The following MMP17 variants were observed in gnomAD, a reference collection of about 807,000 sequenced individuals.
MMP17 encodes the protein matrix metalloproteinase-17.
MMP17 carries 54 observed loss-of-function variants against 49.1 expected under a neutral mutation model. That is an observed-to-expected ratio of 1.10 (90% CI 0.88 to 1.38). MMP17 has a LOEUF of 1.38. MMP17 is among the 40% of genes most tolerant of loss of function. The pLI, the probability that MMP17 is intolerant of heterozygous loss-of-function variation, is 0.00. For missense variants in MMP17, 837 were observed against 853.7 expected (o/e 0.98, Z 0.24); for synonymous variants, 397 against 383.1 (o/e 1.04, Z -0.42).
At position 131,846,499 on chromosome 12, in the gene MMP17, T is replaced by A. The variant is rs1442164018; in HGVS notation, c.1204+1050T>A. ...TGCAATTCTCCTGCCTCAGCCTCCCTAGTAGCTGGGATTACAAGGTGCCCG... is the reference window on the plus strand; with the variant it reads ...TGCAATTCTCCTGCCTCAGCCTCCCAAGTAGCTGGGATTACAAGGTGCCCG... On this transcript the variant is annotated intron_variant, in intron 8 of 9. Coordinates refer to ENST00000360564, the MANE Select transcript of MMP17 (RefSeq NM_016155.7). This position sits in a 1 kb window ranked among gnomAD's most constrained non-coding sequence, Gnocchi z 4.6. 1.3e-5 allele frequency among the ~76,000 whole-genome samples: 2 copies of A among 152,040 alleles called. No homozygotes were observed. Among genetic ancestry groups the A allele is most frequent in the Non-Finnish European group, 2.9e-5 (2 of 67,986 alleles).
chr12:131,841,512 G>T (rs1887405925), intron 4 of MMP17, 112 bp from the exon 5 acceptor site: 4 of 1,107,150 alleles, frequency 3.6e-6, no homozygotes, highest in Non-Finnish European at 4.0e-6. Context: ...GGCGCAGCCG[G>T]CATCGAGGCA....
chr12:131,843,062 C>T (rs558668275), intron 5 of MMP17, among the ~76,000 whole-genome samples: 2 of 151,994 alleles, frequency 1.3e-5, no homozygotes, highest in Non-Finnish European at 2.9e-5. Flanking sequence ...GTGGCGCGAT[C>T]TCGGCTCGCT....
chr12:131,847,208 C>G (rs528120678), intron 8 of MMP17, among the ~76,000 whole-genome samples: 1 of 151,728 alleles, frequency 6.6e-6, no homozygotes, highest in Non-Finnish European at 1.5e-5. Flanking sequence ...GTCAGGAAAT[C>G]GAGACCATCC....
intron 5 of MMP17, among the ~76,000 whole-genome samples, chr12:131,842,502 A>T (rs1169668547): frequency 6.6e-6 from 1 of 152,212 alleles, no homozygotes; most frequent in Non-Finnish European, 1.5e-5. Context: ...GGCCGGATGC[A>T]GTGGCTCATA....
chr12:131,850,888 G>A, intron 9 of MMP17, 37 bp from the exon 10 acceptor site: 1 of 1,415,174 alleles, frequency 7.1e-7, no homozygotes, highest in African/African-American at 1.5e-5. Context: ...TCCTGCTGCA[G>A]CCCTCCCCTG....
intron 5 of MMP17, 150 bp from the exon 6 acceptor site, chr12:131,843,847 G>A (rs964632656): frequency 5.0e-6 from 3 of 601,874 alleles, no homozygotes; most frequent in Non-Finnish European, 8.6e-6. Flanking sequence ...AGCTCTGGGG[G>A]CAGCAGTCTC....
chr12:131,838,891 A>T, intron 3 of MMP17, 150 bp downstream of exon 3: 164 of 611,734 alleles, frequency 2.7e-4, no homozygotes, highest in Middle Eastern at 1.3e-3. Context: ...GGTGAGGAAC[A>T]GGGTCTCCGT....
Position 131,828,395 on chromosome 12 carries a change from T to G in MMP17, c.-100T>G. The stretch of plus-strand genomic sequence containing the variant: ...CTTGAGGCTGCCGCGCGGGGCTCAG[T>G]CCGGCGGGGGCGCCGCGGAGAGCGG... On this transcript the variant is annotated 5_prime_UTR_variant, in exon 1 of 10. Coordinates refer to ENST00000360564, the MANE Select transcript of MMP17 (RefSeq NM_016155.7). 4.3e-6 allele frequency: 3 copies of G among 699,360 alleles called. No homozygotes were observed. The highest frequency in any genetic ancestry group is 5.3e-6 in the Non-Finnish European group (3 of 568,500). The allele number at this position is 699,360 out of a possible 1,614,324, so 43.3% of individuals were successfully genotyped here.
Position 131,850,032 on chromosome 12 carries a change from C to A in MMP17, c.1435C>A (p.Leu479Met). Reference sequence around the variant, plus strand: ...CCTGTGGAGGGGTGTCCCCAGCACGCTGGACGACGCCATGCGCTGGTCCGA... The same window carrying A: ...CCTGTGGAGGGGTGTCCCCAGCACGATGGACGACGCCATGCGCTGGTCCGA... The part of the protein sequence containing the change: ...SPLWRGVPST[L>M]DDAMRWSDGA... The change falls in exon 9 of 10, where the codon CTG (leucine) becomes ATG (methionine). Residue 479 changes from leucine to methionine, a missense_variant. Coordinates refer to ENST00000360564, the MANE Select transcript of MMP17 (RefSeq NM_016155.7). The A allele has an allele frequency of 6.2e-7, 1 of 1,612,836 alleles. No individual in the cohort carries two copies. The highest frequency in any genetic ancestry group is 8.5e-7 in the Non-Finnish European group (1 of 1,179,716).
At position 131,840,850 on chromosome 12, in the gene MMP17, T is replaced by C; in HGVS notation, c.700T>C (p.Ser234Pro). 1 of 1,596,056 alleles carries C rather than the reference T, an allele frequency of 6.3e-7. No individual in the cohort carries two copies. The highest frequency in any genetic ancestry group is 8.5e-7 in the Non-Finnish European group (1 of 1,172,116). ...FDDDEAWTFR[S>P]SDAHGMDLFA... ...CGATGACGAGGCCTGGACCTTCCGCTCCTCGGGTGCGTCTGGGGCAGCCCT... is the reference window on the plus strand; with the variant it reads ...CGATGACGAGGCCTGGACCTTCCGCCCCTCGGGTGCGTCTGGGGCAGCCCT... Residue 234 changes from serine to proline, a missense_variant, in exon 4 of 10, where the codon TCC (serine) becomes CCC (proline). Transcript: ENST00000360564.
At chr12:131,834,776 A>G (rs1165281927) in intron 1 of MMP17, among the ~76,000 whole-genome samples, 1 of 151,888 alleles carries the variant, frequency 6.6e-6, no homozygotes, top group Admixed American at 6.6e-5. Context: ...TGCCACCACC[A>G]CCACCCCATT....
chr12:131,840,090 C>T (rs1452533437), intron 3 of MMP17: 1 of 154,534 alleles, frequency 6.5e-6, no homozygotes, highest in Non-Finnish European at 1.4e-5. Context: ...ACCCAGCCAA[C>T]CCTATTTCCA....
chr12:131,833,848 C>T (rs910930982), intron 1 of MMP17, among the ~76,000 whole-genome samples: 5 of 152,186 alleles, frequency 3.3e-5, no homozygotes, highest in Non-Finnish European at 5.9e-5. Context: ...CGGGAGGGGC[C>T]GTTACAACCA....
chr12:131,840,534 G>C (rs1270337805), intron 3 of MMP17, 39 bp from the exon 4 acceptor site: 1 of 1,537,210 alleles, frequency 6.5e-7, no homozygotes, highest in South Asian at 1.2e-5. Context: ...CACGTGGCCT[G>C]TTCTCCGTGA....
chr12:131,841,578 C>A lies in MMP17; in HGVS notation c.707-46C>A, dbSNP rs568515950. On this transcript the variant is annotated intron_variant, in intron 4 of 9. Coordinates refer to ENST00000360564, the MANE Select transcript of MMP17 (RefSeq NM_016155.7). ...GCCTGCTGGTCCCTCCCCGCGGGGA[C>A]AGGGCCCTTCTTGCCCTTAGTTCAC... The A allele has an allele frequency of 3.1e-6, 5 of 1,603,026 alleles. No homozygotes were observed. The African/African-American group carries it at 5.3e-5, about 17-fold the overall frequency.
At chr12:131,849,652 G>A (rs1887872693) in intron 8 of MMP17, 150 bp from the exon 9 acceptor site, 1 of 821,446 alleles carries the variant, frequency 1.2e-6, no homozygotes, top group Non-Finnish European at 1.9e-6. Flanking sequence ...CCCCTGTGAT[G>A]TGGGGTGATT....
At chr12:131,836,621 A>G (rs1220590144) in intron 1 of MMP17, among the ~76,000 whole-genome samples, 1 of 151,798 alleles carries the variant, frequency 6.6e-6, no homozygotes, top group Non-Finnish European at 1.5e-5. Context: ...TGGCCAATGA[A>G]TACATGAGAG....
At chr12:131,843,267 CTTTTT>C (rs55938259) in intron 5 of MMP17, among the ~76,000 whole-genome samples, 5 of 107,976 alleles carry the variant, frequency 4.6e-5, no homozygotes, top group Non-Finnish European at 1.8e-5. Flanking sequence ...CACCTGGCCT[CTTTTT>C]TTTTTTTTTT....
intron 1 of MMP17, among the ~76,000 whole-genome samples, chr12:131,830,229 C>G (rs548582331): frequency 1.3e-5 from 2 of 152,354 alleles, no homozygotes; most frequent in South Asian, 2.1e-4. Context: ...CCCCCCTGCC[C>G]GGAGAGAGTG....
Sources: gnomAD v4.1 joint callset for allele counts (sites outside exome capture counted in the v4.1 genomes callset) on GRCh38, gnomAD v4.1.1 for gene constraint, Gnocchi (gnomAD v3.1) non-coding constraint, MANE v1.5 for transcripts, NCBI Gene and HGNC (gene_info 2026-07-23, HGNC 2026-07-21) for gene names.